TSC22D1: variants seen among roughly 807,000 people sequenced by gnomAD.
The protein encoded by TSC22D1 is TSC22 domain family member 1, also known as TSC22 domain family protein 1.
TSC22D1 carries 9 observed loss-of-function variants against 74.2 expected under a neutral mutation model. That is an observed-to-expected ratio of 0.12 (90% CI 0.07 to 0.21). TSC22D1 has a LOEUF of 0.21. TSC22D1 is among the 10% of genes least tolerant of loss of function. The pLI is 1.00. For missense variants in TSC22D1, 1,427 were observed against 1,304.7 expected, an observed-to-expected ratio of 1.09 and a Z score of -1.44; for synonymous variants, 586 against 492.5, an observed-to-expected ratio of 1.19 and a Z score of -2.51.
At chr13:44,541,958 T>C (rs1881497634) in intron 1 of TSC22D1, among the ~76,000 whole-genome samples, 1 of 152,138 alleles carries the variant, frequency 6.6e-6, no homozygotes. Context: ...CCTCTAGCCT[T>C]TTCTAATCAA....
At chr13:44,517,271 A>G (rs778906744) in intron 1 of TSC22D1, among the ~76,000 whole-genome samples, 4 of 152,082 alleles carry the variant, frequency 2.6e-5, no homozygotes, top group African/African-American at 9.7e-5. Context: ...GCTCTTATGT[A>G]TGACCATTAC....
intron 1 of TSC22D1, chr13:44,536,926 G>GAAAAAAAAAAAAAAAAAAAAAAAAAAAAA (rs10596156): frequency 4.2e-6 from 2 of 471,296 alleles, no homozygotes; most frequent in African/African-American, 9.6e-5. Context: ...GTATTTTTCT[G>GAAAAAAAAAAAAAAAAAAAAAAAAAAAAA]AAAAAAAAAA....
chr13:44,534,016 G>A (rs1375770184), intron 1 of TSC22D1, among the ~76,000 whole-genome samples: 1 of 152,048 alleles, frequency 6.6e-6, no homozygotes, highest in Non-Finnish European at 1.5e-5. Flanking sequence ...AGGAGACTGA[G>A]GAGGGAGGAT....
rs1290482039 is a variant in TSC22D1 at position 44,433,812 on chromosome 13, ATTTC to A, written c.*810_*813del. The A allele has an allele frequency of 3.6e-5, 21 of 590,070 alleles. No individual in the cohort carries two copies. In the East Asian group the frequency reaches 6.8e-4, roughly 19 times the overall value. 36.6% of individuals were successfully genotyped at this position (590,070 alleles called of 1,614,324 possible). Reference sequence around the variant, plus strand: ...TGAGTAACTGTGCCAAATTCTTAAAATTTCTTTAGGTGTGGTTTTTGTCATGTAG... The same window carrying A: ...TGAGTAACTGTGCCAAATTCTTAAAATTTAGGTGTGGTTTTTGTCATGTAG... On this transcript the variant is annotated 3_prime_UTR_variant, in exon 3 of 3. Coordinates refer to ENST00000458659, the MANE Select transcript of TSC22D1 (RefSeq NM_183422.4).
rs537836977 is a variant in TSC22D1 at position 44,531,573 on chromosome 13, A to T, written c.2912+41590T>A. Among the ~76,000 whole-genome samples the T allele has an allele frequency of 1.0e-4, 15 of 149,862 alleles. 1 individual carries two copies. In the East Asian group the frequency reaches 2.7e-3, roughly 27 times the overall value. On this transcript the variant is annotated intron_variant, in intron 1 of 2. Coordinates refer to ENST00000458659, the MANE Select transcript of TSC22D1 (RefSeq NM_183422.4). ...GCAAAGGTACACTTAGTAGGTATGT[A>T]AATGTTTGTTCTTATTTTCCCCCAA...
chr13:44,434,389 C>T lies in TSC22D1; in HGVS notation c.*237G>A. 1 of 1,371,490 alleles carries T rather than the reference C, an allele frequency of 7.3e-7. No homozygotes were observed. The highest frequency in any genetic ancestry group is 9.3e-7 in the Non-Finnish European group (1 of 1,071,654). 85.0% of individuals were successfully genotyped at this position (1,371,490 alleles called of 1,614,324 possible). ...GATATCTGCCAAGCTGCATGAGGTCCCGGTATATCCATGCTAATTCTCGGA... is the reference window on the plus strand; with the variant it reads ...GATATCTGCCAAGCTGCATGAGGTCTCGGTATATCCATGCTAATTCTCGGA... On this transcript the variant is annotated 3_prime_UTR_variant, in exon 3 of 3. Coordinates refer to ENST00000458659, the MANE Select transcript of TSC22D1 (RefSeq NM_183422.4).
chr13:44,539,315 G>A, intron 1 of TSC22D1: 2 of 985,248 alleles, frequency 2.0e-6, no homozygotes, highest in Non-Finnish European at 2.4e-6. Flanking sequence ...TAACATTTGA[G>A]GTAGGAAGAA....
intron 1 of TSC22D1, among the ~76,000 whole-genome samples, chr13:44,532,386 C>T (rs1054630073): frequency 9.2e-5 from 14 of 152,290 alleles, no homozygotes; most frequent in African/African-American, 3.1e-4. Context: ...CATAAGGTCA[C>T]GTGTTATAAG....
Position 44,436,719 on chromosome 13 carries a change from C to T in TSC22D1, c.2913-624G>A. 3 of 1,507,948 alleles carry T rather than the reference C, an allele frequency of 2.0e-6. No individual in the cohort carries two copies. The South Asian group carries it at 4.2e-5, about 21-fold the overall frequency. 93.4% of individuals were successfully genotyped at this position (1,507,948 alleles called of 1,614,324 possible). Reference sequence around the variant, plus strand: ...GATAAAATCTTCTGGCTTTCCGCAGCCCAGGGAGAAACAGAAAACGGCAGC... The same window carrying T: ...GATAAAATCTTCTGGCTTTCCGCAGTCCAGGGAGAAACAGAAAACGGCAGC... On this transcript the variant is annotated intron_variant, in intron 1 of 2. Transcript: ENST00000458659.
chr13:44,558,031 T>G (rs1156879288), intron 1 of TSC22D1, among the ~76,000 whole-genome samples: 1 of 152,210 alleles, frequency 6.6e-6, no homozygotes, highest in East Asian at 1.9e-4. Flanking sequence ...AAGGAATTAT[T>G]AGGTACACTC....
intron 1 of TSC22D1, among the ~76,000 whole-genome samples, chr13:44,440,195 T>C (rs1020482332): frequency 6.6e-6 from 1 of 152,224 alleles, no homozygotes; most frequent in Admixed American, 6.5e-5. Context: ...CAAGAAGAAA[T>C]GCCAAAGAAA....
At chr13:44,549,890 G>A (rs1882115142) in intron 1 of TSC22D1, among the ~76,000 whole-genome samples, 1 of 151,812 alleles carries the variant, frequency 6.6e-6, no homozygotes, top group South Asian at 2.1e-4. Flanking sequence ...CAGTAATGAG[G>A]CTACAAACCA....
intron 1 of TSC22D1, among the ~76,000 whole-genome samples, chr13:44,512,899 C>T (rs1028073790): frequency 1.2e-4 from 18 of 152,122 alleles, no homozygotes; most frequent in African/African-American, 4.3e-4. Flanking sequence ...CTGCCTGCCT[C>T]GGCCTCCCAA....
rs1566149601 is a variant in TSC22D1 at position 44,517,764 on chromosome 13, T to TACATATATACAC, written c.2912+55398_2912+55399insGTGTATATATGT. 2.1e-4 allele frequency among the ~76,000 whole-genome samples: 28 copies of TACATATATACAC among 134,558 alleles called. No homozygotes were observed. The South Asian group carries it at 3.7e-3, about 18-fold the overall frequency. The allele number at this position is 134,558 out of a possible 152,430, so 88.3% of individuals were successfully genotyped here. On this transcript the variant is annotated intron_variant, in intron 1 of 2. Coordinates refer to ENST00000458659, the MANE Select transcript of TSC22D1 (RefSeq NM_183422.4). ...ATATATACGTATATATGTGTGTGTGTATATATATATATACACATATATATA... is the reference window on the plus strand; with the variant it reads ...ATATATACGTATATATGTGTGTGTGTACATATATACACATATATATATATACACATATATATA...
intron 1 of TSC22D1, among the ~76,000 whole-genome samples, chr13:44,523,479 AT>A (rs1266323867): frequency 2.0e-5 from 3 of 152,228 alleles, no homozygotes; most frequent in Non-Finnish European, 4.4e-5. Context: ...ACAAAAAGAC[AT>A]GAAAAAAACT....
chr13:44,532,714 C>T (rs1880918282), intron 1 of TSC22D1, among the ~76,000 whole-genome samples: 1 of 151,918 alleles, frequency 6.6e-6, no homozygotes, highest in African/African-American at 2.4e-5. Context: ...GACCTGTGAT[C>T]CGCCTGCCTC....
At chr13:44,456,060 C>T (rs779053841) in intron 1 of TSC22D1, among the ~76,000 whole-genome samples, 13 of 152,116 alleles carry the variant, frequency 8.5e-5, no homozygotes, top group African/African-American at 3.1e-4. Context: ...AATAACTGAG[C>T]AATTGTATCT....
intron 1 of TSC22D1, among the ~76,000 whole-genome samples, chr13:44,500,946 A>G (rs1394908151): frequency 1.3e-5 from 2 of 152,174 alleles, no homozygotes; most frequent in Admixed American, 6.5e-5. Flanking sequence ...TTCGCCTCCC[A>G]AAGTGCTGGG....
chr13:44,563,232 C>CT (rs1030522426), intron 1 of TSC22D1, among the ~76,000 whole-genome samples: 1 of 152,046 alleles, frequency 6.6e-6, no homozygotes, highest in African/African-American at 2.4e-5. Flanking sequence ...TTGTTACCCC[C>CT]TTTTTCAAAA....
Sources: gnomAD v4.1 joint callset for allele counts (sites outside exome capture counted in the v4.1 genomes callset) on GRCh38, gnomAD v4.1.1 for gene constraint, MANE v1.5 for transcripts, NCBI Gene and HGNC (gene_info 2026-07-23, HGNC 2026-07-21) for gene names.